The following UAP1 variants were observed in gnomAD, a reference collection of about 807,000 sequenced individuals.
The protein encoded by UAP1 is UDP-N-acetylhexosamine pyrophosphorylase.
A neutral mutation model predicts 58.5 loss-of-function variants in UAP1; 25 were observed. The ratio of observed to expected loss-of-function variants is 0.43; its 90% CI spans 0.31 to 0.60. The LOEUF (loss-of-function observed/expected upper bound fraction) is 0.60, where lower values mean the gene tolerates loss of function less well. Among genes scored for constraint, UAP1 ranks in the 20% least tolerant of loss-of-function variants. UAP1 has a pLI of 0.11. For missense variants in UAP1, 575 were observed against 630.0 expected, an observed-to-expected ratio of 0.91 and a Z score of 0.93; for synonymous variants, 208 against 213.0, an observed-to-expected ratio of 0.98 and a Z score of 0.21.
intron 10 of UAP1, 100 bp downstream of exon 10, chr1:162,597,958 A>G: frequency 9.0e-7 from 1 of 1,112,248 alleles, no homozygotes; most frequent in Non-Finnish European, 1.3e-6. Context: ...TAAAGAAAGG[A>G]TAAGTATTTG....
chr1:162,580,592 T>G (rs10917569), intron 4 of UAP1, among the ~76,000 whole-genome samples: 3,438 of 152,304 alleles, frequency 0.023, 121 homozygotes, highest in African/African-American at 0.075. Context: ...GAAAAGAAAT[T>G]AATAGTATTA....
chr1:162,567,942 C>G lies in UAP1; in HGVS notation c.280+1594C>G, dbSNP rs60584175. Among the ~76,000 whole-genome samples, 297 of 152,162 alleles carry G rather than the reference C, an allele frequency of 2.0e-3. 5 individuals are homozygous for G. The East Asian group carries it at 0.048, about 25-fold the overall frequency. On this transcript the variant is annotated intron_variant, in intron 2 of 10. Coordinates refer to ENST00000271469, the Ensembl canonical transcript of UAP1. ...TCCCGAGTAGCTGGGATTACAGGTT[C>G]GTACCACCATGCCCGGCTAAGTTTT...
downstream of UAP1, among the ~76,000 whole-genome samples, chr1:162,600,478 G>T (rs1203380724): frequency 6.6e-6 from 1 of 152,094 alleles, no homozygotes; most frequent in African/African-American, 2.4e-5. Context: ...CTTTATAAAT[G>T]CATCTTAAAT....
At chr1:162,587,810 C>T in intron 6 of UAP1, 142 bp downstream of exon 6, 1 of 814,708 alleles carries the variant, frequency 1.2e-6, no homozygotes, top group Non-Finnish European at 1.9e-6. Context: ...GGACATTTAT[C>T]TCATGTTGTG....
At chr1:162,566,332 G>C in exon 2 of UAP1, 1 of 1,613,466 alleles carries the variant, frequency 6.2e-7, no homozygotes, top group Non-Finnish European at 8.5e-7. Context: ...ATCAGCTCCA[G>C]GCCTGGGAAA....
intron 7 of UAP1, 69 bp downstream of exon 7, chr1:162,588,902 A>G: frequency 6.8e-7 from 1 of 1,474,222 alleles, no homozygotes; most frequent in Admixed American, 2.3e-5. Flanking sequence ...TCTCTTAGGC[A>G]TGAAACTGTT....
At chr1:162,587,440 A>G in intron 5 of UAP1, 35 bp from the exon 6 acceptor site, 1 of 1,539,298 alleles carries the variant, frequency 6.5e-7, no homozygotes, top group African/African-American at 1.4e-5. Context: ...CATTTAATTC[A>G]ATTTCCTCCT....
chr1:162,574,093 CTT>C (rs1204675147), intron 2 of UAP1, among the ~76,000 whole-genome samples: 11 of 134,862 alleles, frequency 8.2e-5, no homozygotes, highest in Non-Finnish European at 1.1e-4. Context: ...CTTTTCTTTT[CTT>C]TTTTTTTTTT....
intron 9 of UAP1, among the ~76,000 whole-genome samples, chr1:162,594,576 A>G (rs1297606983): frequency 2.0e-5 from 3 of 152,156 alleles, no homozygotes; most frequent in Non-Finnish European, 4.4e-5. Context: ...GCCCTTTATC[A>G]CTTTCTGTCT....
chr1:162,596,850 T>G (rs1655649255), intron 9 of UAP1, among the ~76,000 whole-genome samples: 1 of 152,216 alleles, frequency 6.6e-6, no homozygotes, highest in Non-Finnish European at 1.5e-5. Flanking sequence ...TTGGTAAGAT[T>G]CTTGAAGTGG....
At chr1:162,593,525 G>C (rs564978058) in intron 9 of UAP1, 1 of 152,330 alleles carries the variant, frequency 6.6e-6, no homozygotes, top group East Asian at 1.9e-4. Flanking sequence ...AAGGCAGGCA[G>C]ATTACCTGAG....
At chr1:162,591,038 C>T (rs1398084668) in intron 8 of UAP1, among the ~76,000 whole-genome samples, 1 of 151,864 alleles carries the variant, frequency 6.6e-6, no homozygotes, top group Non-Finnish European at 1.5e-5. Flanking sequence ...GATTCTCCTA[C>T]CTCAGCCTCC....
exon 3 of UAP1, chr1:162,576,920 C>A: frequency 6.2e-7 from 1 of 1,614,074 alleles, no homozygotes; most frequent in Non-Finnish European, 8.5e-7. Context: ...TCAAGCAGAG[C>A]GTATCCTGAA....
At chr1:162,579,793 T>A (rs922299240) in intron 4 of UAP1, among the ~76,000 whole-genome samples, 190 bp downstream of exon 4, 2 of 152,216 alleles carry the variant, frequency 1.3e-5, no homozygotes, top group African/African-American at 4.8e-5. Flanking sequence ...ATGCTTGTTG[T>A]GGGTGTCTGC....
chr1:162,571,366 G>T (rs569824824), intron 2 of UAP1, among the ~76,000 whole-genome samples: 1 of 152,242 alleles, frequency 6.6e-6, no homozygotes, highest in South Asian at 2.1e-4. Context: ...CTGACCTCAA[G>T]TGATTTGCCT....
At chr1:162,599,618 T>A (rs1655820480) in exon 11 of UAP1, 1 of 300,402 alleles carries the variant, frequency 3.3e-6, no homozygotes, top group Non-Finnish European at 6.1e-6. Flanking sequence ...CCATTGGCCA[T>A]CCAGGAAATT....
chr1:162,596,737 G>A (rs561690030), intron 9 of UAP1, among the ~76,000 whole-genome samples: 1 of 152,170 alleles, frequency 6.6e-6, no homozygotes, highest in Non-Finnish European at 1.5e-5. Flanking sequence ...GAAGCCCTCT[G>A]ATTTTTATTG....
exon 8 of UAP1, chr1:162,590,490 C>T (rs1338417039): frequency 6.2e-7 from 1 of 1,601,864 alleles, no homozygotes; most frequent in Non-Finnish European, 8.5e-7. Context: ...GAAAATGGCT[C>T]TCGCCTTCCA....
intron 8 of UAP1, among the ~76,000 whole-genome samples, chr1:162,591,510 A>G (rs559771499): frequency 6.6e-6 from 1 of 152,300 alleles, no homozygotes; most frequent in Non-Finnish European, 1.5e-5. Flanking sequence ...TTTTGGAGAC[A>G]GTTTCACTCT....
Sources: gnomAD v4.1 joint callset for allele counts (sites outside exome capture counted in the v4.1 genomes callset) on GRCh38, gnomAD v4.1.1 for gene constraint, MANE v1.5 for transcripts, NCBI Gene and HGNC (gene_info 2026-07-23, HGNC 2026-07-21) for gene names.